ABCA12: variants seen among roughly 807,000 people sequenced by gnomAD.
ABCA12 encodes the protein glucosylceramide transporter ABCA12.
ABCA12 carries 156 observed loss-of-function variants against 293.5 expected under a neutral mutation model. That is an observed-to-expected ratio of 0.53 (90% CI 0.47 to 0.61). The LOEUF (loss-of-function observed/expected upper bound fraction) is 0.61, where lower values mean the gene tolerates loss of function less well. ABCA12 is among the 20% of genes least tolerant of loss of function. The probability of loss-of-function intolerance (pLI) is 0.00; values close to 1 mark genes in which losing one functional copy is unlikely to be tolerated. For synonymous variants in ABCA12, 1,063 were observed against 1,108.0 expected (o/e 0.96, Z 0.81); for missense variants, 2,797 against 3,090.2 (o/e 0.91, Z 2.25).
intron 8 of ABCA12, among the ~76,000 whole-genome samples, chr2:215,033,995 T>A (rs1168443604): frequency 6.6e-6 from 1 of 152,078 alleles, no homozygotes. Context: ...TAGACACAGC[T>A]AAAAAAATTG....
chr2:215,025,114 T>C (rs1304151928), intron 11 of ABCA12, among the ~76,000 whole-genome samples: 2 of 152,150 alleles, frequency 1.3e-5, no homozygotes, highest in African/African-American at 4.8e-5. Context: ...ACAAGACATC[T>C]CAAATTAGAA....
rs184675709 is a variant in ABCA12 at position 214,939,409 on chromosome 2, T to G, written c.7437-1794A>C. On this transcript the variant is annotated intron_variant, in intron 50 of 52. Coordinates refer to ENST00000272895, the MANE Select transcript of ABCA12 (RefSeq NM_173076.3). The stretch of plus-strand genomic sequence containing the variant: ...AGTCAGGTAGCATGATGCCTCCAGC[T>G]TTGTTCTTTTTGCTCAGAATTGTCT... 1.6e-4 allele frequency among the ~76,000 whole-genome samples: 25 copies of G among 152,346 alleles called. No individual in the cohort carries two copies. The East Asian group carries it at 4.6e-3, about 28-fold the overall frequency.
chr2:214,939,166 C>T (rs890624797), intron 50 of ABCA12, among the ~76,000 whole-genome samples: 18 of 152,140 alleles, frequency 1.2e-4, no homozygotes, highest in Non-Finnish European at 1.6e-4. Context: ...GGTCCAGTTT[C>T]GGTTTTCTGC....
intron 2 of ABCA12, among the ~76,000 whole-genome samples, chr2:215,081,487 AAAAAAGAAAAAG>A (rs1160140902): frequency 0.012 from 1,189 of 100,680 alleles, 30 homozygotes; most frequent in African/African-American, 0.048. Flanking sequence ...TCAAAAAAAA[AAAAAAGAAAAAG>A]AAAAAAGAAA....
chr2:215,078,348 T>C (rs1337029326), intron 2 of ABCA12, among the ~76,000 whole-genome samples: 1 of 151,824 alleles, frequency 6.6e-6, no homozygotes, highest in Admixed American at 6.6e-5. Context: ...CAAAGTAACT[T>C]GAGATCATGT....
At chr2:215,112,135 A>G (rs1456375547) in intron 1 of ABCA12, among the ~76,000 whole-genome samples, 1 of 152,172 alleles carries the variant, frequency 6.6e-6, no homozygotes, top group African/African-American at 2.4e-5. Context: ...ATGCTCAGTC[A>G]TAAAGACTGG....
intron 2 of ABCA12, among the ~76,000 whole-genome samples, chr2:215,067,251 G>A (rs1361781782): frequency 6.6e-6 from 1 of 152,010 alleles, no homozygotes; most frequent in Admixed American, 6.6e-5. Flanking sequence ...AAGTTCCCCA[G>A]TGCTAGGATA....
intron 11 of ABCA12, chr2:215,022,998 T>G (rs1700662521): frequency 6.6e-6 from 1 of 151,944 alleles, no homozygotes; most frequent in Admixed American, 6.6e-5. Flanking sequence ...AACACAAAAG[T>G]TCAAGAAGAG....
At position 214,945,032 on chromosome 2, in the gene ABCA12, T is replaced by G; in HGVS notation, c.7312A>C (p.Asn2438His). ...GATGTGAGGATGACGGAACATTTGT[T>G]CTGTACTTCTTCTGAAATGATCTTC... Reference protein sequence around the residue: ...LWKIISEEVQNKCSVILTSHS... With the variant: ...LWKIISEEVQHKCSVILTSHS... Residue 2438 changes from asparagine (N) to histidine (H), a missense_variant, in exon 49 of 53, where the codon AAC (asparagine) becomes CAC (histidine). Asn to His is a moderately conservative substitution (Grantham distance 68). This residue lies in a region of ABCA12 where 2,130 missense variants were observed against 2,427.0 expected (regional missense o/e 0.88). Coordinates refer to ENST00000272895, the MANE Select transcript of ABCA12 (RefSeq NM_173076.3). The G allele has an allele frequency of 6.2e-7, 1 of 1,613,816 alleles. No homozygotes were observed. Among genetic ancestry groups the G allele is most frequent in the Non-Finnish European group, 8.5e-7 (1 of 1,179,900 alleles).
At chr2:214,936,611 G>A (rs892519615) in intron 51 of ABCA12, among the ~76,000 whole-genome samples, 2 of 152,138 alleles carry the variant, frequency 1.3e-5, no homozygotes, top group South Asian at 4.1e-4. Context: ...GCTATGTTAG[G>A]TATATATGCA....
At position 215,000,710 on chromosome 2, in the gene ABCA12, T is replaced by C. The variant is rs2105988652; in HGVS notation, c.3174A>G (p.Lys1058=). 1.9e-6 allele frequency: 3 copies of C among 1,614,016 alleles called. No individual in the cohort carries two copies. The highest frequency in any genetic ancestry group is 2.5e-6 in the Non-Finnish European group (3 of 1,179,934). ...VQAIPYPCFM[K]DNFLTSVSYS... ...CTGGAAGTGCACACACTTACTTGTC[T>C]TTCATGAAGCAGGGATAAGGAATTG... Residue 1058 remains lysine (K), a synonymous_variant, in exon 22 of 53, where the codon AAA becomes AAG. Coordinates refer to ENST00000272895, the MANE Select transcript of ABCA12 (RefSeq NM_173076.3).
chr2:215,072,160 C>T (rs2106083641), intron 2 of ABCA12, among the ~76,000 whole-genome samples: 1 of 152,306 alleles, frequency 6.6e-6, no homozygotes, highest in East Asian at 1.9e-4. Context: ...TTGCTACAGC[C>T]ACAAGGAACA....
At chr2:214,990,430 A>C (rs1028781716) in intron 24 of ABCA12, among the ~76,000 whole-genome samples, 1 of 152,096 alleles carries the variant, frequency 6.6e-6, no homozygotes, top group Non-Finnish European at 1.5e-5. Context: ...ATTCTTGAAG[A>C]CCTCTAAAAC....
Position 214,932,317 on chromosome 2 carries a change from G to GTCT in ABCA12, c.*314_*316dup. Reference sequence around the variant, plus strand: ...TACCAAAATCCATGCCTTTTAAACTGTCTTTTTATTGAAAGTAATAAATTA... The same window carrying GTCT: ...TACCAAAATCCATGCCTTTTAAACTGTCTTCTTTTTATTGAAAGTAATAAATTA... On this transcript the variant is annotated 3_prime_UTR_variant, in exon 53 of 53. Coordinates refer to ENST00000272895, the MANE Select transcript of ABCA12 (RefSeq NM_173076.3). 3.4e-6 allele frequency: 1 copy of GTCT among 298,468 alleles called. No individual in the cohort carries two copies. The allele number at this position is 298,468 out of a possible 1,614,324, so 18.5% of individuals were successfully genotyped here.
chr2:215,072,099 A>C (rs191712856), intron 2 of ABCA12, among the ~76,000 whole-genome samples: 1 of 152,312 alleles, frequency 6.6e-6, no homozygotes, highest in African/African-American at 2.4e-5. Flanking sequence ...TCCTGAAAGC[A>C]GTGATTAAGG....
chr2:215,086,919 TTTATTATTA>T (rs139025147), intron 2 of ABCA12, among the ~76,000 whole-genome samples: 4,641 of 151,046 alleles, frequency 0.031, 156 homozygotes, highest in African/African-American at 0.077. Context: ...TAACTACCAG[TTTATTATTA>T]TTATTATTAT....
At chr2:214,988,607 G>A (rs1208965852) in intron 26 of ABCA12, among the ~76,000 whole-genome samples, 1 of 152,098 alleles carries the variant, frequency 6.6e-6, no homozygotes, top group South Asian at 2.1e-4. Context: ...GACCTAGAAG[G>A]GGGAACCCAA....
At chr2:215,134,207 TCTC>T (rs1703123587) in intron 1 of ABCA12, among the ~76,000 whole-genome samples, 1 of 150,906 alleles carries the variant, frequency 6.6e-6, no homozygotes, top group African/African-American at 2.4e-5. Flanking sequence ...GTAATTCTCT[TCTC>T]ATTTTCTATT....
Position 215,052,493 on chromosome 2 carries a change from C to G in ABCA12, c.501G>C (p.Leu167Phe). Reference sequence around the variant, plus strand: ...CAAAATTGAATCAAGTTACCTTTTCCAAGCCAAGAATTCGTGCGAGCACTT... The same window carrying G: ...CAAAATTGAATCAAGTTACCTTTTCGAAGCCAAGAATTCGTGCGAGCACTT... ...GSQVLARILG[L>F]EKLLKQNSTS... The change falls in exon 5 of 53, where the codon TTG becomes TTC. Residue 167 changes from leucine (L) to phenylalanine (F), a missense_variant. By Grantham distance (22) the Leu-to-Phe change is conservative. This residue lies in a region of ABCA12 where 656 missense variants were observed against 638.2 expected (regional missense o/e 1.03). Transcript: ENST00000272895. 6.2e-7 allele frequency: 1 copy of G among 1,612,162 alleles called. No individual in the cohort carries two copies. Among genetic ancestry groups the G allele is most frequent in the Non-Finnish European group, 8.5e-7 (1 of 1,178,700 alleles).
Sources: gnomAD v4.1 joint callset for allele counts (sites outside exome capture counted in the v4.1 genomes callset) on GRCh38, gnomAD v4.1.1 for gene constraint, gnomAD v4.1.1 regional missense constraint, MANE v1.5 for transcripts, NCBI Gene and HGNC (gene_info 2026-07-23, HGNC 2026-07-21) for gene names.